XKR6: variants seen among roughly 807,000 people sequenced by gnomAD.
The protein encoded by XKR6 is XK related 6, also known as XK-related protein 6.
In XKR6, 22 loss-of-function variants were observed where a neutral mutation model predicts 56.7. The ratio of observed to expected loss-of-function variants is 0.39; its 90% CI spans 0.28 to 0.55. The LOEUF is 0.55. Ranked by LOEUF, XKR6 falls within the 20% of genes least tolerant of loss-of-function variation. The probability of loss-of-function intolerance (pLI) is 0.66; values close to 1 mark genes in which losing one functional copy is unlikely to be tolerated. For synonymous variants in XKR6, 524 were observed against 387.8 expected (o/e 1.35, Z -4.13); for missense variants, 852 against 889.0 (o/e 0.96, Z 0.53).
chr8:10,925,748 G>A (rs889495065), intron 1 of XKR6, among the ~76,000 whole-genome samples: 3 of 152,186 alleles, frequency 2.0e-5, no homozygotes, highest in Admixed American at 6.5e-5. Context: ...GGGTGCATGG[G>A]AAGATTAGTG....
chr8:10,969,868 C>G (rs968096541), intron 1 of XKR6, among the ~76,000 whole-genome samples: 1 of 152,204 alleles, frequency 6.6e-6, no homozygotes, highest in African/African-American at 2.4e-5. Flanking sequence ...GCAGTGCAGC[C>G]CGAAGATGGG....
intron 2 of XKR6, among the ~76,000 whole-genome samples, chr8:10,919,192 C>A (rs551209287): frequency 6.6e-6 from 1 of 152,206 alleles, no homozygotes; most frequent in African/African-American, 2.4e-5. Context: ...GGCTTTCCTT[C>A]CCTCAGGGCC....
intron 1 of XKR6, among the ~76,000 whole-genome samples, chr8:10,969,049 G>A (rs764861166): frequency 1.5e-4 from 23 of 152,236 alleles, no homozygotes; most frequent in Non-Finnish European, 2.4e-4. Flanking sequence ...CTGGAGCAGA[G>A]GGTCCTAAAC....
At chr8:10,902,274 C>G (rs893061158) in intron 2 of XKR6, among the ~76,000 whole-genome samples, 1 of 152,192 alleles carries the variant, frequency 6.6e-6, no homozygotes, top group Non-Finnish European at 1.5e-5. Context: ...ATGGCCAGCC[C>G]AGTTTTAAGT....
chr8:10,956,623 A>C (rs73196860), intron 1 of XKR6, among the ~76,000 whole-genome samples: 2 of 152,020 alleles, frequency 1.3e-5, no homozygotes, highest in Admixed American at 6.5e-5. Context: ...TACAGCCCTC[A>C]TGGGGCTTTC....
intron 1 of XKR6, among the ~76,000 whole-genome samples, chr8:11,091,049 A>G (rs777322002): frequency 6.6e-6 from 1 of 152,122 alleles, no homozygotes; most frequent in Non-Finnish European, 1.5e-5. Flanking sequence ...CCTCTCTCTT[A>G]GGTGAGAGGT....
At chr8:11,015,213 G>C (rs1358700072) in intron 1 of XKR6, among the ~76,000 whole-genome samples, 1 of 147,752 alleles carries the variant, frequency 6.8e-6, no homozygotes, top group Non-Finnish European at 1.5e-5. Context: ...TTTTTTTTAA[G>C]TAACCCAAAT....
At chr8:10,968,926 T>C (rs1010793389) in intron 1 of XKR6, among the ~76,000 whole-genome samples, 76 of 152,364 alleles carry the variant, frequency 5.0e-4, no homozygotes, top group Middle Eastern at 3.4e-3. Flanking sequence ...GCTATCCTTT[T>C]ATTCCTAACT....
chr8:11,049,832 A>G (rs918238308), intron 1 of XKR6, among the ~76,000 whole-genome samples: 4 of 152,242 alleles, frequency 2.6e-5, no homozygotes, highest in African/African-American at 9.6e-5. Context: ...AAGGCCTTCA[A>G]GAGTCACTAA....
chr8:10,968,799 A>G (rs980170947), intron 1 of XKR6, among the ~76,000 whole-genome samples: 1 of 152,232 alleles, frequency 6.6e-6, no homozygotes, highest in Non-Finnish European at 1.5e-5. Flanking sequence ...GGAAAATGAG[A>G]AAGATTTCTG....
At chr8:11,181,347 CTT>C (rs1434750599) in intron 1 of XKR6, among the ~76,000 whole-genome samples, 1 of 152,134 alleles carries the variant, frequency 6.6e-6, no homozygotes, top group African/African-American at 2.4e-5. Flanking sequence ...AATGTTTTGA[CTT>C]TTAGACAGAC....
chr8:11,076,928 G>C (rs1800289231), intron 1 of XKR6, among the ~76,000 whole-genome samples: 1 of 152,192 alleles, frequency 6.6e-6, no homozygotes, highest in Non-Finnish European at 1.5e-5. Context: ...TGTAATCCCA[G>C]CACTTTGGAG....
intron 1 of XKR6, among the ~76,000 whole-genome samples, chr8:11,101,789 G>A (rs1402772134): frequency 6.6e-6 from 1 of 152,096 alleles, no homozygotes; most frequent in African/African-American, 2.4e-5. Flanking sequence ...TCCTCATGCT[G>A]TTTAGTTTGT....
intron 1 of XKR6, among the ~76,000 whole-genome samples, chr8:11,098,906 TG>T (rs530150546): frequency 6.6e-6 from 1 of 151,676 alleles, no homozygotes; most frequent in African/African-American, 2.4e-5. Context: ...CATTCCCCCA[TG>T]GAAAAAAAAA....
intron 1 of XKR6, among the ~76,000 whole-genome samples, chr8:11,188,093 T>C (rs1470192216): frequency 6.6e-6 from 1 of 152,202 alleles, no homozygotes; most frequent in Non-Finnish European, 1.5e-5. Flanking sequence ...TTTTCAGGAA[T>C]GTGTGTATCA....
At chr8:10,979,595 T>C (rs569933891) in intron 1 of XKR6, among the ~76,000 whole-genome samples, 63 of 152,302 alleles carry the variant, frequency 4.1e-4, no homozygotes, top group Middle Eastern at 3.4e-3. Context: ...GCCTAAGCCA[T>C]TTCCTTCTCT....
chr8:11,174,713 G>T (rs1802570451), intron 1 of XKR6, among the ~76,000 whole-genome samples: 1 of 152,062 alleles, frequency 6.6e-6, no homozygotes, highest in South Asian at 2.1e-4. Context: ...TCAGTTACAG[G>T]ACAGATGCCC....
chr8:11,026,859 C>T (rs1798879602), intron 1 of XKR6, among the ~76,000 whole-genome samples: 1 of 152,038 alleles, frequency 6.6e-6, no homozygotes, highest in Admixed American at 6.5e-5. Context: ...GCCTACTACA[C>T]ACCTAGATGG....
At chr8:11,016,237 C>A (rs1798618473) in intron 1 of XKR6, among the ~76,000 whole-genome samples, 2 of 152,192 alleles carry the variant, frequency 1.3e-5, no homozygotes, top group South Asian at 4.1e-4. Context: ...CGCACCCTGA[C>A]GCGGAGGTTG....
Sources: gnomAD v4.1 joint callset for allele counts (sites outside exome capture counted in the v4.1 genomes callset) on GRCh38, gnomAD v4.1.1 for gene constraint, MANE v1.5 for transcripts, NCBI Gene and HGNC (gene_info 2026-07-23, HGNC 2026-07-21) for gene names.